ROBO3: variants seen among roughly 807,000 people sequenced by gnomAD.
ROBO3 encodes roundabout homolog 3.
In ROBO3, 97 loss-of-function variants were observed where a neutral mutation model predicts 160.5. The observed-to-expected ratio is 0.60, with a 90% CI of 0.51 to 0.72. ROBO3 has a LOEUF of 0.72. Ranked by LOEUF, ROBO3 falls within the 30% of genes least tolerant of loss-of-function variation. The pLI is 0.00. For missense variants in ROBO3, 1,858 were observed against 1,846.5 expected, an observed-to-expected ratio of 1.01 and a Z score of -0.11; for synonymous variants, 780 against 746.2, an observed-to-expected ratio of 1.05 and a Z score of -0.74.
intron 7 of ROBO3, among the ~76,000 whole-genome samples, chr11:124,871,454 C>T (rs1457589536): frequency 6.6e-6 from 1 of 152,202 alleles, no homozygotes; most frequent in Admixed American, 6.5e-5. Context: ...TATCTCTCCT[C>T]CTTTAGACCC....
Position 124,874,872 on chromosome 11 carries a change from T to G in ROBO3, c.2036T>G (p.Ile679Arg). 3 of 1,602,558 alleles carry G rather than the reference T, an allele frequency of 1.9e-6. No individual in the cohort carries two copies. Among genetic ancestry groups the G allele is most frequent in the Non-Finnish European group, 2.6e-6 (3 of 1,174,744 alleles). Residue 679 changes from isoleucine (I) to arginine (R), a missense_variant, in exon 13 of 28, where the codon ATA becomes AGA. By Grantham distance (97) the Ile-to-Arg change is moderately conservative. Transcript: ENST00000397801. ...GTGGCTGTGCGCCTGCAGGAGCCCA[T>G]AGTCCTGGGACCCCGGACCCTGCAG... ...AEVAVRLQEP[I>R]VLGPRTLQVS...
chr11:124,869,327 C>G lies in ROBO3; in HGVS notation c.488-123C>G, dbSNP rs1946246788. The G allele has an allele frequency of 2.6e-6, 3 of 1,139,622 alleles. No homozygotes were observed. The highest frequency in any genetic ancestry group is 2.6e-6 in the Non-Finnish European group (2 of 774,704). 70.6% of individuals were successfully genotyped at this position (1,139,622 alleles called of 1,614,324 possible). On this transcript the variant is annotated intron_variant, in intron 2 of 27. Coordinates refer to ENST00000397801, the MANE Select transcript of ROBO3 (RefSeq NM_022370.4). This position sits in a 1 kb window ranked among gnomAD's most constrained non-coding sequence, Gnocchi z 4.2. The stretch of plus-strand genomic sequence containing the variant: ...ATCTGACTCCAGGCTGATATTTTCT[C>G]ACCTGGGAACGAATTCCAGTCTGCA...
chr11:124,877,594 G>C lies in ROBO3; in HGVS notation c.2922G>C (p.Ser974=), dbSNP rs1946422759. The change falls in exon 20 of 28, where the codon TCG becomes TCC. Residue 974 remains serine (S), a synonymous_variant. Coordinates refer to ENST00000397801, the MANE Select transcript of ROBO3 (RefSeq NM_022370.4). ...GGCCCCACCCATCTCGAAGCCCCTC[G>C]GCCCAGGAACCCAGGGGAAGCTGCT... is the stretch of plus-strand genomic sequence containing the variant. The part of the protein sequence containing the change: ...DSWPHPSRSP[S]AQEPRGSCCP... 6.2e-7 allele frequency: 1 copy of C among 1,607,622 alleles called. No homozygotes were observed. Among genetic ancestry groups the C allele is most frequent in the Non-Finnish European group, 8.5e-7 (1 of 1,177,422 alleles).
In ROBO3 at chr11:124,865,627, A is replaced by G; in HGVS notation, c.50A>G (p.Asp17Gly). The change falls in exon 1 of 28, where the codon GAC becomes GGC. Residue 17 changes from aspartate (D) to glycine (G), a missense_variant. Asp to Gly is a moderately conservative substitution (Grantham distance 94, BLOSUM62 -1). Transcript: ENST00000397801. This position sits in a 1 kb window ranked among gnomAD's most constrained non-coding sequence, Gnocchi z 5.5. ...CTGCTGCAGATGAACTTGTTCGCGG[A>G]CTCTCTGGCCGGGGACATCTCCAAC... Reference protein sequence around the residue: ...KTLLQMNLFADSLAGDISNSS... With the variant: ...KTLLQMNLFAGSLAGDISNSS... 6.2e-7 allele frequency: 1 copy of G among 1,612,840 alleles called. No homozygotes were observed.
Position 124,869,582 on chromosome 11 carries a change from T to A in ROBO3, c.620T>A (p.Leu207His). 1.3e-6 allele frequency: 2 copies of A among 1,574,946 alleles called. No individual in the cohort carries two copies. Among genetic ancestry groups the A allele is most frequent in the Non-Finnish European group, 1.7e-6 (2 of 1,159,558 alleles). Residue 207 changes from leucine (L) to histidine (H), a missense_variant, in exon 3 of 28, where the codon CTC becomes CAC. Leu to His is a moderately conservative substitution (Grantham distance 99). Coordinates refer to ENST00000397801, the MANE Select transcript of ROBO3 (RefSeq NM_022370.4). This position sits in a 1 kb window ranked among gnomAD's most constrained non-coding sequence, Gnocchi z 4.2. ...TCCTGGAGGAAGGACGGTGCAAGAC[T>A]CAAGGAAGAGGAAGGAAGGATCACG... is the stretch of plus-strand genomic sequence containing the variant. ...SVSWRKDGAR[L>H]KEEEGRITIR...
chr11:124,879,058 T>C, intron 23 of ROBO3, 132 bp from the exon 24 acceptor site: 3 of 1,079,084 alleles, frequency 2.8e-6, no homozygotes, highest in Non-Finnish European at 4.0e-6. Context: ...TTCTCTAGCT[T>C]GGGAGGACTT....
At position 124,868,791 on chromosome 11, in the gene ROBO3, C is replaced by A. The variant is rs747569878; in HGVS notation, c.161-11C>A. ...CCTGTCTGAACGCTCTGCGCCACCC[C>A]CTGTCCCCAGGGTCAAGGGTAGGAC... On this transcript the variant is annotated splice_polypyrimidine_tract_variant and intron_variant, in intron 1 of 27. Transcript: ENST00000397801. 3.1e-6 allele frequency: 5 copies of A among 1,601,782 alleles called. No individual in the cohort carries two copies. Among genetic ancestry groups the A allele is most frequent in the Non-Finnish European group, 3.4e-6 (4 of 1,174,820 alleles).
Position 124,876,329 on chromosome 11 carries a change from G to A in ROBO3, c.2648G>A (p.Arg883Gln), listed in dbSNP as rs753236940. The A allele has an allele frequency of 2.4e-5, 35 of 1,437,296 alleles. No individual in the cohort carries two copies. The Middle Eastern group carries it at 1.2e-3, about 51-fold the overall frequency. 89.0% of individuals were successfully genotyped at this position (1,437,296 alleles called of 1,614,324 possible). Residue 883 changes from arginine (R) to glutamine (Q), a missense_variant, in exon 17 of 28, where the codon CGG becomes CAG. Transcript: ENST00000397801. This position sits in a 1 kb window ranked among gnomAD's most constrained non-coding sequence, Gnocchi z 5.3. ...GLEVGAGLAV[R>Q]LARVLREPAF... ...GAGGTGGGCGCGGGGCTGGCGGTGC[G>A]GCTGGCGAGGGTGCTGCGGGAGCCC...
At position 124,869,428 on chromosome 11, in the gene ROBO3, C is replaced by CGGGGGGGGGGGGGGGGGGGG; in HGVS notation, c.488-21_488-20insGGGGGGGGGGGGGGGGGGGG. 1 of 1,383,814 alleles carries CGGGGGGGGGGGGGGGGGGGG rather than the reference C, an allele frequency of 7.2e-7. No homozygotes were observed. The highest frequency in any genetic ancestry group is 9.9e-7 in the Non-Finnish European group (1 of 1,012,434). The allele number at this position is 1,383,814 out of a possible 1,614,324, so 85.7% of individuals were successfully genotyped here. A position where few individuals can be genotyped will look rare whatever the true frequency, so the allele number is the denominator to read the frequency against. On this transcript the variant is annotated intron_variant, in intron 2 of 27. Coordinates refer to ENST00000397801, the MANE Select transcript of ROBO3 (RefSeq NM_022370.4). The surrounding 1 kb of genome is among the most constrained non-coding windows in gnomAD (Gnocchi z 4.2). The stretch of plus-strand genomic sequence containing the variant: ...ATGTCACTCTACACCCTGCTTATTT[C>CGGGGGGGGGGGGGGGGGGGG]GCCCCCCACCGCCCCGCCCAGTCCT...
chr11:124,868,024 T>C (rs556955741), intron 1 of ROBO3, among the ~76,000 whole-genome samples: 11 of 152,194 alleles, frequency 7.2e-5, no homozygotes, highest in African/African-American at 2.6e-4. Context: ...GGACAGAATA[T>C]GTGGATGAAC....
At chr11:124,866,110 C>A (rs1385600585) in intron 1 of ROBO3, among the ~76,000 whole-genome samples, 1 of 152,226 alleles carries the variant, frequency 6.6e-6, no homozygotes, top group Non-Finnish European at 1.5e-5. Flanking sequence ...CCGGCCTCGG[C>A]CAAGCCAGGT....
intron 18 of ROBO3, 41 bp downstream of exon 18, chr11:124,877,225 A>G (rs1946406008): frequency 6.2e-7 from 1 of 1,613,770 alleles, no homozygotes; most frequent in East Asian, 2.2e-5. Context: ...ACCCCCCGGG[A>G]CGGGCCCTTC....
intron 15 of ROBO3, 110 bp downstream of exon 15, chr11:124,875,795 G>A (rs1946352058): frequency 1.3e-6 from 2 of 1,485,786 alleles, no homozygotes; most frequent in African/African-American, 2.8e-5. Flanking sequence ...TGGCTTTAGG[G>A]TTGGGGATGA....
Position 124,876,815 on chromosome 11 carries a change from G to A in ROBO3, c.2780-346G>A, listed in dbSNP as rs1946389379. 1 of 539,410 alleles carries A rather than the reference G, an allele frequency of 1.9e-6. No individual in the cohort carries two copies. Among genetic ancestry groups the A allele is most frequent in the Admixed American group, 3.3e-5 (1 of 30,628 alleles). The allele number at this position is 539,410 out of a possible 1,614,324, so 33.4% of individuals were successfully genotyped here. ...AAGAGGGGGTGTGGCCAGGATCCCA[G>A]GCAGTAAATTGTGCGGCGGGGTCTG... On this transcript the variant is annotated intron_variant, in intron 17 of 27. Coordinates refer to ENST00000397801, the MANE Select transcript of ROBO3 (RefSeq NM_022370.4). This position sits in a 1 kb window ranked among gnomAD's most constrained non-coding sequence, Gnocchi z 5.3.
intron 1 of ROBO3, chr11:124,868,511 G>A (rs1946233166): frequency 1.7e-6 from 1 of 599,420 alleles, no homozygotes; most frequent in Non-Finnish European, 3.0e-6. Flanking sequence ...CTTGGCAGGA[G>A]AGGAGACGGA....
In ROBO3 at chr11:124,869,431, C is replaced by CGG; in HGVS notation, c.488-19_488-18insGG. On this transcript the variant is annotated intron_variant, in intron 2 of 27. Transcript: ENST00000397801. The surrounding 1 kb of genome is among the most constrained non-coding windows in gnomAD (Gnocchi z 4.2). ...TCACTCTACACCCTGCTTATTTCGC[C>CGG]CCCCACCGCCCCGCCCAGTCCTCCG... 4 of 1,303,858 alleles carry CGG rather than the reference C, an allele frequency of 3.1e-6. No homozygotes were observed. The highest frequency in any genetic ancestry group is 4.3e-6 in the Non-Finnish European group (4 of 925,682). The allele number at this position is 1,303,858 out of a possible 1,614,324, so 80.8% of individuals were successfully genotyped here.
chr11:124,876,102 G>T lies in ROBO3; in HGVS notation c.2570G>T (p.Ser857Ile). ...AATSAGVGVP[S>I]APVLVQLPSP... ...ACCAGCGCAGGCGTGGGCGTGCCCA[G>T]TGCCCCAGTGCTGGTGCAGCTGCGT... Residue 857 changes from serine to isoleucine, a missense_variant, in exon 16 of 28, where the codon AGT (serine) becomes ATT (isoleucine). Physicochemically the swap from Ser to Ile is moderately radical, Grantham distance 142. Transcript: ENST00000397801. The surrounding 1 kb of genome is among the most constrained non-coding windows in gnomAD (Gnocchi z 5.3). 1 of 1,605,592 alleles carries T rather than the reference G, an allele frequency of 6.2e-7. No homozygotes were observed.
In ROBO3 at chr11:124,875,275, C is replaced by T; in HGVS notation, c.2238C>T (p.Ala746=). The T allele has an allele frequency of 6.2e-7, 1 of 1,613,226 alleles. No homozygotes were observed. Among genetic ancestry groups the T allele is most frequent in the Non-Finnish European group, 8.5e-7 (1 of 1,179,750 alleles). The change falls in exon 14 of 28, where the codon GCC becomes GCT. Residue 746 remains alanine, a synonymous_variant. Coordinates refer to ENST00000397801, the MANE Select transcript of ROBO3 (RefSeq NM_022370.4). Reference sequence around the variant, plus strand: ...CCCAAATCCAGATCAAGGTGCAAGCCCAAGGCCAGGAGGGGCTGGGGGCTG... The same window carrying T: ...CCCAAATCCAGATCAAGGTGCAAGCTCAAGGCCAGGAGGGGCTGGGGGCTG... ...PGTQIQIKVQ[A]QGQEGLGAES...
rs770581421 is a variant in ROBO3 at position 124,876,275 on chromosome 11, C to T, written c.2594C>T (p.Pro865Leu). The change falls in exon 17 of 28, where the codon CCG becomes CTG. Residue 865 changes from proline (P) to leucine (L), a missense_variant and splice_region_variant. Coordinates refer to ENST00000397801, the MANE Select transcript of ROBO3 (RefSeq NM_022370.4). The surrounding 1 kb of genome is among the most constrained non-coding windows in gnomAD (Gnocchi z 5.3). Reference sequence around the variant, plus strand: ...CCCCTCACTTCTCTGACCCCCACAGCGTCCCCGCCGGACCTGGAGCCCGGG... The same window carrying T: ...CCCCTCACTTCTCTGACCCCCACAGTGTCCCCGCCGGACCTGGAGCCCGGG... ...VPSAPVLVQL[P>L]SPPDLEPGLE... 1.4e-6 allele frequency: 2 copies of T among 1,470,324 alleles called. No homozygotes were observed. Among genetic ancestry groups the T allele is most frequent in the Non-Finnish European group, 8.9e-7 (1 of 1,122,372 alleles). 91.1% of individuals were successfully genotyped at this position (1,470,324 alleles called of 1,614,324 possible). A position where few individuals can be genotyped will look rare whatever the true frequency, so the allele number is the denominator to read the frequency against.
Sources: allele counts gnomAD v4.1 joint callset (sites outside exome capture counted in the v4.1 genomes callset), GRCh38; gene constraint gnomAD v4.1.1; non-coding constraint Gnocchi (gnomAD v3.1); transcripts MANE v1.5; gene names NCBI Gene and HGNC (gene_info 2026-07-23, HGNC 2026-07-21).